Variants in ZNF423 observed in about 807,000 individuals in gnomAD.
The protein encoded by ZNF423 is zinc finger protein 423, also known as Ebf-associated zinc finger protein.
In ZNF423, 12 loss-of-function variants were observed where a neutral mutation model predicts 95.8. The observed-to-expected ratio is 0.13, with a 90% CI of 0.08 to 0.20. The LOEUF (loss-of-function observed/expected upper bound fraction) is 0.20. Ranked by LOEUF, ZNF423 falls within the 10% of genes least tolerant of loss-of-function variation. The pLI is 1.00. For synonymous variants in ZNF423, 749 were observed against 711.9 expected, an observed-to-expected ratio of 1.05 and a Z score of -0.83; for missense variants, 1,316 against 1,737.1, an observed-to-expected ratio of 0.76 and a Z score of 4.31.
intron 2 of ZNF423, among the ~76,000 whole-genome samples, chr16:49,782,939 C>T (rs1394521812): frequency 7.5e-6 from 1 of 133,926 alleles, no homozygotes; most frequent in South Asian, 2.4e-4. Flanking sequence ...ACCTGGGCAA[C>T]ATAGCAAGGC....
intron 2 of ZNF423, among the ~76,000 whole-genome samples, chr16:49,780,822 A>G (rs1399115123): frequency 6.6e-6 from 1 of 152,242 alleles, no homozygotes; most frequent in Admixed American, 6.5e-5. Flanking sequence ...CCCATATAAA[A>G]ATGCATTTCA....
chr16:49,697,676 C>T (rs2151951793), intron 3 of ZNF423, among the ~76,000 whole-genome samples: 1 of 152,368 alleles, frequency 6.6e-6, no homozygotes, highest in Non-Finnish European at 1.5e-5. Flanking sequence ...GCCCAGGAAG[C>T]AGTACCCTGG....
intron 3 of ZNF423, among the ~76,000 whole-genome samples, chr16:49,701,849 C>T (rs2032193594): frequency 6.6e-6 from 1 of 152,142 alleles, no homozygotes; most frequent in Admixed American, 6.5e-5. Flanking sequence ...CTCTTTCACT[C>T]TTGCATGAAG....
intron 1 of ZNF423, among the ~76,000 whole-genome samples, chr16:49,819,039 G>A (rs1175014342): frequency 2.0e-5 from 3 of 151,992 alleles, no homozygotes; most frequent in Non-Finnish European, 2.9e-5. Flanking sequence ...GGATTACGAG[G>A]TCAAGAGATA....
At chr16:49,813,049 AT>A (rs1212944132) in intron 1 of ZNF423, among the ~76,000 whole-genome samples, 1 of 151,996 alleles carries the variant, frequency 6.6e-6, no homozygotes, top group Non-Finnish European at 1.5e-5. Flanking sequence ...GGGGTGCTGC[AT>A]TTTTGCCTTC....
intron 3 of ZNF423, among the ~76,000 whole-genome samples, chr16:49,647,421 CAT>C (rs1299394911): frequency 1.3e-5 from 2 of 152,198 alleles, no homozygotes; most frequent in Non-Finnish European, 2.9e-5. Context: ...ACTTCCAAAA[CAT>C]ATGAATATGT....
intron 5 of ZNF423, among the ~76,000 whole-genome samples, chr16:49,571,447 G>A (rs1970351988): frequency 6.6e-6 from 1 of 152,078 alleles, no homozygotes; most frequent in Non-Finnish European, 1.5e-5. Flanking sequence ...TGGCAGGTCT[G>A]ACACGTGGAG....
intron 5 of ZNF423, among the ~76,000 whole-genome samples, chr16:49,555,860 G>C (rs1048540850): frequency 1.3e-5 from 2 of 152,136 alleles, no homozygotes; most frequent in Non-Finnish European, 2.9e-5. Context: ...TTGATGGGAT[G>C]AGGAGGTTGA....
At chr16:49,577,417 A>G (rs540267302) in intron 5 of ZNF423, among the ~76,000 whole-genome samples, 4 of 152,220 alleles carry the variant, frequency 2.6e-5, no homozygotes, top group Admixed American at 1.3e-4. Context: ...TTGCCCAGAG[A>G]GCAGAGTGCA....
At chr16:49,695,592 A>C (rs1408372592) in intron 3 of ZNF423, among the ~76,000 whole-genome samples, 1 of 149,692 alleles carries the variant, frequency 6.7e-6, no homozygotes, top group Non-Finnish European at 1.5e-5. Context: ...TGTACCCAGC[A>C]ATTTTTGTAT....
chr16:49,662,899 G>A (rs1038769945), intron 3 of ZNF423, among the ~76,000 whole-genome samples: 29 of 152,216 alleles, frequency 1.9e-4, no homozygotes, highest in African/African-American at 6.5e-4. Context: ...CATGTGCCCT[G>A]CCTTCTAAGA....
chr16:49,705,906 G>A (rs959261124), intron 3 of ZNF423, among the ~76,000 whole-genome samples: 1 of 152,200 alleles, frequency 6.6e-6, no homozygotes, highest in Non-Finnish European at 1.5e-5. Flanking sequence ...AGAAACAAGG[G>A]AGTGTCCAAG....
At chr16:49,558,578 T>C (rs1969914388) in intron 5 of ZNF423, among the ~76,000 whole-genome samples, 1 of 152,126 alleles carries the variant, frequency 6.6e-6, no homozygotes, top group African/African-American at 2.4e-5. Context: ...CCCAGGTACC[T>C]GCACAGATAT....
At chr16:49,605,339 A>G (rs1275619583) in intron 5 of ZNF423, among the ~76,000 whole-genome samples, 1 of 152,182 alleles carries the variant, frequency 6.6e-6, no homozygotes, top group East Asian at 1.9e-4. Context: ...GCGGGTTTGC[A>G]TCCATCCCAG....
intron 2 of ZNF423, among the ~76,000 whole-genome samples, chr16:49,767,874 A>G (rs1392808531): frequency 6.6e-6 from 1 of 152,196 alleles, no homozygotes; most frequent in African/African-American, 2.4e-5. Context: ...ATTTGGATGG[A>G]GATGTCTTTA....
chr16:49,548,260 T>C (rs1969507794), intron 5 of ZNF423, among the ~76,000 whole-genome samples: 2 of 152,142 alleles, frequency 1.3e-5, no homozygotes. Context: ...ACAGTAAAAT[T>C]TATCAACATT....
Position 49,525,457 on chromosome 16 carries a change from C to G in ZNF423, c.3639G>C (p.Gln1213His). ...GINHECKLCN[Q>H]MFDSPAKLLC... Reference sequence around the variant, plus strand: ...GGAGCTTGGCCGGGGAGTCGAACATCTGGTTGCACAGCTTACACTCGTGGT... The same window carrying G: ...GGAGCTTGGCCGGGGAGTCGAACATGTGGTTGCACAGCTTACACTCGTGGT... The change falls in exon 6 of 8, where the codon CAG (glutamine) becomes CAC (histidine). Residue 1213 changes from glutamine (Q) to histidine (H), a missense_variant. Around this residue, in one of 6 missense-constraint regions of ZNF423, gnomAD observed 75 missense variants for 163.5 expected, o/e 0.46. Transcript: ENST00000563137. The G allele has an allele frequency of 6.2e-7, 1 of 1,614,088 alleles. No individual in the cohort carries two copies. Among genetic ancestry groups the G allele is most frequent in the Non-Finnish European group, 8.5e-7 (1 of 1,179,984 alleles).
At chr16:49,696,556 C>T (rs2031979250) in intron 3 of ZNF423, among the ~76,000 whole-genome samples, 2 of 152,164 alleles carry the variant, frequency 1.3e-5, no homozygotes, top group South Asian at 2.1e-4. Flanking sequence ...CCAGGCCTGG[C>T]TGGCCTCTCC....
chr16:49,589,596 G>T (rs565233060), intron 5 of ZNF423, among the ~76,000 whole-genome samples: 1 of 152,144 alleles, frequency 6.6e-6, no homozygotes, highest in African/African-American at 2.4e-5. Flanking sequence ...TGGTGGAGCA[G>T]CGAGAGGGAG....
Sources: allele counts gnomAD v4.1 joint callset (sites outside exome capture counted in the v4.1 genomes callset), GRCh38; gene constraint gnomAD v4.1.1; regional missense constraint gnomAD v4.1.1; transcripts MANE v1.5; gene names NCBI Gene and HGNC (gene_info 2026-07-23, HGNC 2026-07-21).